The following PARD3B variants were observed in gnomAD, a reference collection of about 807,000 sequenced individuals.
PARD3B encodes the protein par-3 family cell polarity regulator beta, also known as partitioning defective 3 homolog B.
In PARD3B, 103 loss-of-function variants were observed where a neutral mutation model predicts 130.2. That is an observed-to-expected ratio of 0.79 (90% confidence interval 0.67 to 0.93). The LOEUF (loss-of-function observed/expected upper bound fraction) is 0.93. PARD3B is among the 40% of genes least tolerant of loss of function. The pLI is 0.00. For synonymous variants in PARD3B, 583 were observed against 553.2 expected, an observed-to-expected ratio of 1.05 and a Z score of -0.76; for missense variants, 1,609 against 1,499.2, an observed-to-expected ratio of 1.07 and a Z score of -1.21.
intron 4 of PARD3B, chr2:205,048,314 G>A (rs1485351546): frequency 1.3e-5 from 2 of 152,166 alleles, no homozygotes; most frequent in Non-Finnish European, 2.9e-5. Context: ...TTGACCAAAA[G>A]TGCTTATAAC....
rs1410207798 is a variant in PARD3B at position 205,122,342 on chromosome 2, C to G, written c.1165+393C>G. ...CAAAAAGCATATTGTTTTTCTAAGA[C>G]AGTCTTCTAACAACAAAAATTTACT... On this transcript the variant is annotated intron_variant, in intron 8 of 22. Transcript: ENST00000406610. This position sits in a 1 kb window ranked among gnomAD's most constrained non-coding sequence, Gnocchi z 4.3. Among the ~76,000 whole-genome samples the G allele has an allele frequency of 6.6e-6, 1 of 152,136 alleles. No individual in the cohort carries two copies. The highest frequency in any genetic ancestry group is 1.5e-5 in the Non-Finnish European group (1 of 68,006).
At chr2:205,609,704 A>G (rs2055159182) in intron 22 of PARD3B, among the ~76,000 whole-genome samples, 1 of 152,180 alleles carries the variant, frequency 6.6e-6, no homozygotes, top group African/African-American at 2.4e-5. Flanking sequence ...CTGCTCATAA[A>G]TTCTTCATGG....
chr2:204,994,567 G>T (rs1434074243), intron 3 of PARD3B, among the ~76,000 whole-genome samples: 1 of 149,376 alleles, frequency 6.7e-6, no homozygotes. Flanking sequence ...TTGATTTGGG[G>T]TGGAGAGTTC....
intron 3 of PARD3B, among the ~76,000 whole-genome samples, chr2:205,026,885 C>T (rs1323487699): frequency 6.6e-6 from 1 of 152,120 alleles, no homozygotes; most frequent in Non-Finnish European, 1.5e-5. Flanking sequence ...GAACGATATT[C>T]TCTTGTTTAG....
At chr2:204,588,996 A>AG (rs1267348612) in intron 1 of PARD3B, among the ~76,000 whole-genome samples, 1 of 152,040 alleles carries the variant, frequency 6.6e-6, no homozygotes, top group Non-Finnish European at 1.5e-5. Flanking sequence ...TTAAAAAAAA[A>AG]TTGACAGATG....
At chr2:204,553,985 A>G (rs1007950157) in intron 1 of PARD3B, among the ~76,000 whole-genome samples, 7 of 152,122 alleles carry the variant, frequency 4.6e-5, no homozygotes, top group African/African-American at 1.7e-4. Flanking sequence ...ACAAATCACC[A>G]CTAAAGAACT....
chr2:205,566,726 A>C (rs571420394), intron 22 of PARD3B, among the ~76,000 whole-genome samples: 2 of 152,280 alleles, frequency 1.3e-5, no homozygotes, highest in South Asian at 4.1e-4. Flanking sequence ...AACTGAGCAA[A>C]AGACCCCAGG....
intron 20 of PARD3B, among the ~76,000 whole-genome samples, chr2:205,486,141 G>A (rs1348815448): frequency 1.3e-5 from 2 of 152,202 alleles, no homozygotes; most frequent in Non-Finnish European, 2.9e-5. Flanking sequence ...GAAAGCACTT[G>A]AGGATTTAGG....
At chr2:204,776,050 T>C (rs2041603767) in intron 2 of PARD3B, among the ~76,000 whole-genome samples, 1 of 152,222 alleles carries the variant, frequency 6.6e-6, no homozygotes, top group Non-Finnish European at 1.5e-5. Context: ...TTTATGTGGC[T>C]TTGCTAGCTA....
At chr2:205,338,211 G>C (rs940701739) in intron 18 of PARD3B, among the ~76,000 whole-genome samples, 4 of 150,126 alleles carry the variant, frequency 2.7e-5, no homozygotes, top group African/African-American at 9.8e-5. Context: ...ATCTGTGATG[G>C]GGAAAGATTG....
At chr2:205,102,532 G>A (rs527444676) in intron 4 of PARD3B, among the ~76,000 whole-genome samples, 170 of 152,048 alleles carry the variant, frequency 1.1e-3, no homozygotes, top group African/African-American at 4.0e-3. Context: ...AAAAACAATC[G>A]TCTTTTAAAA....
chr2:205,360,682 G>A (rs1005204656), intron 18 of PARD3B, among the ~76,000 whole-genome samples: 20 of 152,164 alleles, frequency 1.3e-4, no homozygotes, highest in African/African-American at 4.8e-4. Context: ...CAGGTGCATG[G>A]GCTCTGGGGC....
chr2:205,433,913 C>T (rs1214214149), intron 19 of PARD3B, among the ~76,000 whole-genome samples: 2 of 152,190 alleles, frequency 1.3e-5, no homozygotes, highest in African/African-American at 4.8e-5. Context: ...TGGTGATAAA[C>T]AGCTGAATTT....
At chr2:204,863,969 C>CA (rs35352867) in intron 2 of PARD3B, among the ~76,000 whole-genome samples, 3 of 151,690 alleles carry the variant, frequency 2.0e-5, no homozygotes, top group Non-Finnish European at 2.9e-5. Flanking sequence ...TTTATAATTC[C>CA]AAAAAAAAGT....
intron 16 of PARD3B, among the ~76,000 whole-genome samples, chr2:205,250,725 T>C (rs947267190): frequency 2.0e-5 from 3 of 152,028 alleles, no homozygotes; most frequent in Admixed American, 6.5e-5. Flanking sequence ...GATCAGGAGT[T>C]TGAGACCAGC....
chr2:205,013,155 G>A (rs1349945334), intron 3 of PARD3B, among the ~76,000 whole-genome samples: 1 of 152,092 alleles, frequency 6.6e-6, no homozygotes, highest in African/African-American at 2.4e-5. Context: ...ACTTTTACTT[G>A]GTCCGGTGAC....
intron 1 of PARD3B, among the ~76,000 whole-genome samples, chr2:204,572,381 G>C (rs558945856): frequency 6.6e-6 from 1 of 152,098 alleles, no homozygotes; most frequent in Non-Finnish European, 1.5e-5. Context: ...GCAGAAAAGT[G>C]GGGGAGGAAA....
At chr2:205,586,561 C>G (rs2054203488) in intron 22 of PARD3B, among the ~76,000 whole-genome samples, 1 of 152,040 alleles carries the variant, frequency 6.6e-6, no homozygotes, top group South Asian at 2.1e-4. Flanking sequence ...TGTTCTGTCT[C>G]CTGTTTTTAG....
chr2:205,534,055 C>A (rs114567140), intron 21 of PARD3B, among the ~76,000 whole-genome samples: 166 of 129,076 alleles, frequency 1.3e-3, no homozygotes, highest in Middle Eastern at 3.8e-3. Flanking sequence ...GTGAAAAAGC[C>A]AAAAAAAAAA....
Sources: gnomAD v4.1 joint callset for allele counts (sites outside exome capture counted in the v4.1 genomes callset) on GRCh38, gnomAD v4.1.1 for gene constraint, Gnocchi (gnomAD v3.1) non-coding constraint, MANE v1.5 for transcripts, NCBI Gene and HGNC (gene_info 2026-07-23, HGNC 2026-07-21) for gene names.